The following BSN variants were observed in gnomAD, a reference collection of about 807,000 sequenced individuals.
BSN encodes the protein protein bassoon.
In BSN, 57 loss-of-function variants were observed where a neutral mutation model predicts 264.8. The observed-to-expected ratio is 0.22, with a 90% CI of 0.17 to 0.27. BSN has a LOEUF of 0.27. BSN is among the 10% of genes least tolerant of loss of function. The probability of loss-of-function intolerance (pLI) is 1.00; values close to 1 mark genes in which losing one functional copy is unlikely to be tolerated. For missense variants in BSN, 4,615 were observed against 5,232.5 expected, an observed-to-expected ratio of 0.88 and a Z score of 3.64; for synonymous variants, 2,059 against 2,137.3, an observed-to-expected ratio of 0.96 and a Z score of 1.01.
chr3:49,664,347 TC>T (rs1312985845), intron 8 of BSN, 75 bp from the exon 9 acceptor site: 1 of 1,592,510 alleles, frequency 6.3e-7, no homozygotes, highest in Non-Finnish European at 8.6e-7. Context: ...TCAGATTCTC[TC>T]GTGGGTACTT....
In BSN at chr3:49,655,658, G is replaced by T; in HGVS notation, c.6102G>T (p.Gly2034=). 2.5e-6 allele frequency: 4 copies of T among 1,613,650 alleles called. No individual in the cohort carries two copies. Among genetic ancestry groups the T allele is most frequent in the Non-Finnish European group, 3.4e-6 (4 of 1,180,004 alleles). Residue 2034 remains glycine, a synonymous_variant, in exon 5 of 12, where the codon GGG becomes GGT. Transcript: ENST00000296452. ...SLGFADGRYL[G]QGLQYGSVTD... is the part of the protein sequence containing the mutation. ...GCTTTGCGGATGGACGCTACCTAGG[G>T]CAGGGCTTGCAGTATGGCTCAGTCA...
Position 49,660,666 on chromosome 3 carries a change from C to T in BSN, c.8821C>T (p.Leu2941Phe), listed in dbSNP as rs931852790. 3.1e-6 allele frequency: 5 copies of T among 1,613,190 alleles called. No individual in the cohort carries two copies. The highest frequency in any genetic ancestry group is 4.2e-6 in the Non-Finnish European group (5 of 1,179,982). The change falls in exon 6 of 12, where the codon CTC becomes TTC. Residue 2941 changes from leucine (L) to phenylalanine (F), a missense_variant. Leu to Phe is a conservative substitution (Grantham distance 22). Coordinates refer to ENST00000296452, the MANE Select transcript of BSN (RefSeq NM_003458.4). The surrounding 1 kb of genome is among the most constrained non-coding windows in gnomAD (Gnocchi z 7.1). ...TGTCCCTGCTACCAAGGCCAGCCTG[C>T]TCCGGGAGCTGGACCGGGACCTGCG... is the stretch of plus-strand genomic sequence containing the variant. ...TTVPATKASL[L>F]RELDRDLRLV...
intron 1 of BSN, among the ~76,000 whole-genome samples, chr3:49,595,127 G>C (rs1344032846): frequency 6.6e-6 from 1 of 151,650 alleles, no homozygotes; most frequent in Non-Finnish European, 1.5e-5. Flanking sequence ...CTGACCTTGT[G>C]ATCTGCCTGC....
At chr3:49,606,119 GTA>G (rs1553661972) in intron 1 of BSN, among the ~76,000 whole-genome samples, 4 of 25,146 alleles carry the variant, frequency 1.6e-4, no homozygotes, top group African/African-American at 7.3e-4. Context: ...TAATATATAC[GTA>G]TATATTATAT....
In BSN at chr3:49,663,034, G is replaced by C. The variant is rs199791420; in HGVS notation, c.10876G>C (p.Glu3626Gln). 3 of 1,613,770 alleles carry C rather than the reference G, an allele frequency of 1.9e-6. No homozygotes were observed. Among genetic ancestry groups the C allele is most frequent in the Non-Finnish European group, 2.5e-6 (3 of 1,180,024 alleles). Residue 3626 changes from glutamate (E) to glutamine (Q), a missense_variant, in exon 7 of 12, where the codon GAG (glutamate) becomes CAG (glutamine). This residue lies in a region of BSN where 3,415 missense variants were observed against 3,866.4 expected (regional missense o/e 0.88). Transcript: ENST00000296452. Reference protein sequence around the residue: ...SYHDYDEPPEEGLWPHDEGGP... With the variant: ...SYHDYDEPPEQGLWPHDEGGP... ...CCATGACTACGATGAACCCCCTGAG[G>C]AGGGCCTGTGGCCTCATGATGAGGG... is the stretch of plus-strand genomic sequence containing the variant.
rs1313384536 is a variant in BSN at position 49,661,915 on chromosome 3, G to A, written c.10070G>A (p.Arg3357His). The change falls in exon 6 of 12, where the codon CGC becomes CAC. Residue 3357 changes from arginine (R) to histidine (H), a missense_variant. By Grantham distance (29) the Arg-to-His change is conservative (BLOSUM62 0). This residue lies in a region of BSN where 3,415 missense variants were observed against 3,866.4 expected (regional missense o/e 0.88). Coordinates refer to ENST00000296452, the MANE Select transcript of BSN (RefSeq NM_003458.4). ...GCTCCAGCTGCCATCTCCTCAAAGC[G>A]CAGCAAGCACCGGAAGCAGGGCATG... Reference protein sequence around the residue: ...SLAPAAISSKRSKHRKQGMEQ... With the variant: ...SLAPAAISSKHSKHRKQGMEQ... The A allele has an allele frequency of 3.1e-6, 5 of 1,613,866 alleles. No homozygotes were observed. Among genetic ancestry groups the A allele is most frequent in the Middle Eastern group, 1.6e-4 (1 of 6,062 alleles).
In BSN at chr3:49,671,149, C is replaced by T. The variant is rs201393564; in HGVS notation, c.*3664C>T. ...ACATGATCATGTGTGTATGTGCGTGCGTGCGTGCGTGTGTGTGTGTGTGTG... is the reference window on the plus strand; with the variant it reads ...ACATGATCATGTGTGTATGTGCGTGTGTGCGTGCGTGTGTGTGTGTGTGTG... On this transcript the variant is annotated 3_prime_UTR_variant, in exon 12 of 12. Coordinates refer to ENST00000296452, the MANE Select transcript of BSN (RefSeq NM_003458.4). The surrounding 1 kb of genome is among the most constrained non-coding windows in gnomAD (Gnocchi z 4.1). The T allele has an allele frequency of 0.068, 3,932 of 57,582 alleles. 75 individuals are homozygous for T. Among genetic ancestry groups the T allele is most frequent in the Middle Eastern group, 0.11 (18 of 158 alleles). 3.6% of individuals were successfully genotyped at this position (57,582 alleles called of 1,614,324 possible).
chr3:49,651,885 C>G lies in BSN; in HGVS notation c.2329C>G (p.Leu777Val). 1.2e-6 allele frequency: 2 copies of G among 1,614,016 alleles called. No homozygotes were observed. Among genetic ancestry groups the G allele is most frequent in the Non-Finnish European group, 1.7e-6 (2 of 1,180,024 alleles). ...TPEAFDSDEELEDILEEDEDS... is the reference protein window; with the variant it reads ...TPEAFDSDEEVEDILEEDEDS... ...TGAGGCCTTTGACTCTGATGAGGAG[C>G]TGGAGGATATCCTGGAGGAAGACGA... The change falls in exon 5 of 12, where the codon CTG becomes GTG. Residue 777 changes from leucine (L) to valine (V), a missense_variant. Physicochemically the swap from Leu to Val is conservative, Grantham distance 32. This residue lies in a region of BSN where 1,197 missense variants were observed against 1,348.0 expected (regional missense o/e 0.89). Transcript: ENST00000296452. This position sits in a 1 kb window ranked among gnomAD's most constrained non-coding sequence, Gnocchi z 5.4.
At chr3:49,597,281 C>T (rs979158486) in intron 1 of BSN, among the ~76,000 whole-genome samples, 4 of 152,138 alleles carry the variant, frequency 2.6e-5, no homozygotes, top group African/African-American at 9.7e-5. Context: ...CTCCTACCAG[C>T]TCAAATGTAG....
intron 1 of BSN, among the ~76,000 whole-genome samples, chr3:49,567,069 C>G (rs976960090): frequency 4.6e-5 from 7 of 151,948 alleles, no homozygotes; most frequent in Admixed American, 1.3e-4. Flanking sequence ...CCTGAAGATG[C>G]CCTCCAAACT....
chr3:49,648,600 G>C (rs1205280898), intron 3 of BSN, among the ~76,000 whole-genome samples: 1 of 152,214 alleles, frequency 6.6e-6, no homozygotes, highest in African/African-American at 2.4e-5. Context: ...ATCAGGCTCT[G>C]TGCTCTCCCA....
At chr3:49,615,326 G>C (rs1177659150) in intron 1 of BSN, among the ~76,000 whole-genome samples, 1 of 152,140 alleles carries the variant, frequency 6.6e-6, no homozygotes, top group Non-Finnish European at 1.5e-5. Context: ...GTCTGCCCAA[G>C]TGCATCAGTA....
chr3:49,573,258 G>A (rs1358898744), intron 1 of BSN, among the ~76,000 whole-genome samples: 1 of 152,164 alleles, frequency 6.6e-6, no homozygotes, highest in Non-Finnish European at 1.5e-5. Context: ...GAAATAGGTA[G>A]GTGGGGAGGA....
intron 1 of BSN, among the ~76,000 whole-genome samples, chr3:49,565,986 C>T (rs1463374453): frequency 1.3e-5 from 2 of 152,082 alleles, no homozygotes; most frequent in African/African-American, 4.8e-5. Context: ...CCATTCCTGA[C>T]TAATTTTTGT....
chr3:49,605,898 G>GATATAAATATATTATA (rs1169981252), intron 1 of BSN, among the ~76,000 whole-genome samples: 1 of 80,098 alleles, frequency 1.2e-5, no homozygotes, highest in Non-Finnish European at 2.1e-5. Context: ...ATATATTTAT[G>GATATAAATATATTATA]TCTATATAAA....
chr3:49,656,885 A>G lies in BSN; in HGVS notation c.7329A>G (p.Glu2443=), dbSNP rs1276446671. 2.5e-6 allele frequency: 4 copies of G among 1,601,672 alleles called. No individual in the cohort carries two copies. In the Admixed American group the frequency reaches 6.9e-5, roughly 28 times the overall value. Residue 2443 remains glutamate (E), a synonymous_variant, in exon 5 of 12, where the codon GAA becomes GAG. Coordinates refer to ENST00000296452, the MANE Select transcript of BSN (RefSeq NM_003458.4). The part of the protein sequence containing the change: ...ERQAQFALQR[E]QLAQQRLQLE... ...AGGCTCAATTTGCACTGCAGCGGGA[A>G]CAGCTAGCGCAGCAGCGTCTGCAGC...
At position 49,656,331 on chromosome 3, in the gene BSN, T is replaced by C; in HGVS notation, c.6775T>C (p.Tyr2259His). 1 of 1,612,610 alleles carries C rather than the reference T, an allele frequency of 6.2e-7. No homozygotes were observed. Among genetic ancestry groups the C allele is most frequent in the Non-Finnish European group, 8.5e-7 (1 of 1,179,638 alleles). The change falls in exon 5 of 12, where the codon TAC becomes CAC. Residue 2259 changes from tyrosine (Y) to histidine (H), a missense_variant. Tyr to His is a moderately conservative substitution (Grantham distance 83, BLOSUM62 2). Transcript: ENST00000296452. ...PRVPLGPTGL[Y>H]RYPAPSRFPI... Reference sequence around the variant, plus strand: ...GGTACCTCTTGGACCCACAGGGCTGTACCGCTATCCTGCACCAAGTAGATT... The same window carrying C: ...GGTACCTCTTGGACCCACAGGGCTGCACCGCTATCCTGCACCAAGTAGATT...
rs996278463 is a variant in BSN at position 49,671,317 on chromosome 3, C to G, written c.*3832C>G. On this transcript the variant is annotated 3_prime_UTR_variant, in exon 12 of 12. Transcript: ENST00000296452. This position sits in a 1 kb window ranked among gnomAD's most constrained non-coding sequence, Gnocchi z 4.1. ...TTTCCCCTTCCTCCTCCCTCTCTCC[C>G]TTTCTTTCCTTCTCTCCTTCTTTAT... 1 of 152,640 alleles carries G rather than the reference C, an allele frequency of 6.6e-6. No homozygotes were observed. The highest frequency in any genetic ancestry group is 1.5e-5 in the Non-Finnish European group (1 of 68,058). The allele number at this position is 152,640 out of a possible 1,614,324, so 9.5% of individuals were successfully genotyped here. A position where few individuals can be genotyped will look rare whatever the true frequency, so the allele number is the denominator to read the frequency against.
At chr3:49,628,171 A>G (rs1446104935) in intron 2 of BSN, among the ~76,000 whole-genome samples, 1 of 152,260 alleles carries the variant, frequency 6.6e-6, no homozygotes, top group Admixed American at 6.5e-5. Flanking sequence ...GTGACCGCAG[A>G]AAATGGAACT....
Sources: allele counts gnomAD v4.1 joint callset (sites outside exome capture counted in the v4.1 genomes callset), GRCh38; gene constraint gnomAD v4.1.1; regional missense constraint gnomAD v4.1.1; non-coding constraint Gnocchi (gnomAD v3.1); transcripts MANE v1.5; gene names NCBI Gene and HGNC (gene_info 2026-07-23, HGNC 2026-07-21).